Variants in CACNA1B observed in about 807,000 individuals in gnomAD.
CACNA1B encodes the protein calcium voltage-gated channel subunit alpha1 B, also known as voltage-dependent N-type calcium channel subunit alpha-1B.
A neutral mutation model predicts 247.2 loss-of-function variants in CACNA1B; 70 were observed. The ratio of observed to expected loss-of-function variants is 0.28; its 90% CI spans 0.23 to 0.35. CACNA1B has a LOEUF of 0.35. Among genes scored for constraint, CACNA1B ranks in the 10% least tolerant of loss-of-function variants. CACNA1B has a pLI of 1.00. For synonymous variants in CACNA1B, 1,231 were observed against 1,294.4 expected, an observed-to-expected ratio of 0.95 and a Z score of 1.05; for missense variants, 2,367 against 3,197.4, an observed-to-expected ratio of 0.74 and a Z score of 6.26.
chr9:138,037,047 CTT>C (rs747204168), intron 20 of CACNA1B, among the ~76,000 whole-genome samples: 8 of 152,288 alleles, frequency 5.3e-5, no homozygotes, highest in Non-Finnish European at 8.8e-5. Flanking sequence ...GTCTAAGTCT[CTT>C]TTACTTTAAA....
intron 10 of CACNA1B, among the ~76,000 whole-genome samples, chr9:137,960,246 T>G (rs1484206824): frequency 0.042 from 259 of 6,156 alleles, 1 homozygote; most frequent in Non-Finnish European, 0.052. Flanking sequence ...GAGAGGGGAG[T>G]TAGGCCTGAG....
At chr9:138,079,874 C>CAA (rs145080243) in intron 36 of CACNA1B, among the ~76,000 whole-genome samples, 69 of 115,926 alleles carry the variant, frequency 6.0e-4, no homozygotes, top group African/African-American at 9.6e-4. Flanking sequence ...GACTCTGTCT[C>CAA]AAAAAAAAAA....
Position 138,047,399 on chromosome 9 carries a change from G to A in CACNA1B, c.3544G>A (p.Ala1182Thr). The A allele has an allele frequency of 6.2e-7, 1 of 1,608,862 alleles. No individual in the cohort carries two copies. The highest frequency in any genetic ancestry group is 8.5e-7 in the Non-Finnish European group (1 of 1,175,222). ...AGAATAACCTTCCTTTTGGTTTCAG[G>A]CTCTGAAATACCTGGATTACATTTT... ...PVRTDSPRNN[A>T]LKYLDYIFTG... The change falls in exon 23 of 47, where the codon GCT (alanine) becomes ACT (threonine). Residue 1182 changes from alanine (A) to threonine (T), a missense_variant and splice_region_variant. Physicochemically the swap from Ala to Thr is moderately conservative, Grantham distance 58 (BLOSUM62 0). Coordinates refer to ENST00000371372, the MANE Select transcript of CACNA1B (RefSeq NM_000718.4).
At chr9:137,978,155 C>A (rs1958246717) in intron 12 of CACNA1B, among the ~76,000 whole-genome samples, 2 of 140,998 alleles carry the variant, frequency 1.4e-5, no homozygotes, top group South Asian at 4.8e-4. Context: ...GGGAGCACTA[C>A]TTCCCCCCCA....
At position 137,917,211 on chromosome 9, in the gene CACNA1B, T is replaced by C. The variant is rs758554344; in HGVS notation, c.776-30T>C. 8.8e-6 allele frequency: 14 copies of C among 1,591,858 alleles called. No individual in the cohort carries two copies. The East Asian group carries it at 2.5e-4, about 28-fold the overall frequency. ...ATTGGAGAGCTTGGTATTTCTGAGC[T>C]CAGGGTCTGCTTCATTCTCCTTCTT... On this transcript the variant is annotated intron_variant, in intron 5 of 46. Coordinates refer to ENST00000371372, the MANE Select transcript of CACNA1B (RefSeq NM_000718.4). The surrounding 1 kb of genome is among the most constrained non-coding windows in gnomAD (Gnocchi z 5.5).
chr9:138,091,345 A>G (rs926200854), intron 36 of CACNA1B, among the ~76,000 whole-genome samples: 4 of 152,212 alleles, frequency 2.6e-5, no homozygotes, highest in African/African-American at 9.7e-5. Context: ...AATTGCTCTC[A>G]TAGAAGTGGA....
rs190177683 is a variant in CACNA1B at position 137,933,176 on chromosome 9, G to A, written c.966+15745G>A. Among the ~76,000 whole-genome samples the A allele has an allele frequency of 4.6e-5, 7 of 152,172 alleles. No individual in the cohort carries two copies. In the East Asian group the frequency reaches 1.4e-3, roughly 29 times the overall value. On this transcript the variant is annotated intron_variant, in intron 6 of 46. Coordinates refer to ENST00000371372, the MANE Select transcript of CACNA1B (RefSeq NM_000718.4). Reference sequence around the variant, plus strand: ...CTCAAATCTTCTGACCTCATGATCTGCCTGCCTCGGCCTCCCAGAGTGCTG... The same window carrying A: ...CTCAAATCTTCTGACCTCATGATCTACCTGCCTCGGCCTCCCAGAGTGCTG...
chr9:138,117,291 G>GA (rs1002122653), intron 42 of CACNA1B, among the ~76,000 whole-genome samples: 2 of 152,092 alleles, frequency 1.3e-5, no homozygotes, highest in African/African-American at 4.8e-5. Flanking sequence ...GCTTGGGGGG[G>GA]GGGTCAGAGA....
At chr9:138,034,692 C>T (rs1383307541) in intron 20 of CACNA1B, among the ~76,000 whole-genome samples, 1 of 151,982 alleles carries the variant, frequency 6.6e-6, no homozygotes, top group African/African-American at 2.4e-5. Flanking sequence ...ATTGTTGTGT[C>T]ATTCCTCAGG....
At position 138,106,758 on chromosome 9, in the gene CACNA1B, G is replaced by A. The variant is rs145622622; in HGVS notation, c.5428+951G>A. ...CAGCCTGGTGACAGAGCAAGACTCCGTCTCGAAAACAACCAAAAAAGTTAT... is the reference window on the plus strand; with the variant it reads ...CAGCCTGGTGACAGAGCAAGACTCCATCTCGAAAACAACCAAAAAAGTTAT... On this transcript the variant is annotated intron_variant, in intron 39 of 46. Coordinates refer to ENST00000371372, the MANE Select transcript of CACNA1B (RefSeq NM_000718.4). 2.8e-4 allele frequency among the ~76,000 whole-genome samples: 43 copies of A among 152,252 alleles called. No homozygotes were observed. The East Asian group carries it at 2.9e-3, about 10-fold the overall frequency.
intron 10 of CACNA1B, among the ~76,000 whole-genome samples, chr9:137,960,380 TG>T (rs1958003076): frequency 1.7e-5 from 1 of 60,108 alleles, no homozygotes; most frequent in African/African-American, 6.7e-5. Flanking sequence ...CGGTGGGGTG[TG>T]GGGGAGGTTG....
chr9:138,022,954 T>C, intron 18 of CACNA1B, 57 bp from the exon 19 acceptor site: 2 of 1,446,410 alleles, frequency 1.4e-6, no homozygotes, highest in Non-Finnish European at 1.8e-6. Context: ...GTGGCCTCCC[T>C]GGAGAGCGGC....
intron 31 of CACNA1B, among the ~76,000 whole-genome samples, chr9:138,061,285 G>A (rs1194931789): frequency 6.6e-6 from 1 of 152,204 alleles, no homozygotes; most frequent in African/African-American, 2.4e-5. Flanking sequence ...TTGGTGTTGT[G>A]TGGTAGAAGC....
intron 6 of CACNA1B, among the ~76,000 whole-genome samples, chr9:137,942,028 G>A (rs1347504599): frequency 2.0e-5 from 3 of 152,168 alleles, no homozygotes; most frequent in East Asian, 1.9e-4. Flanking sequence ...AGAAACAGTC[G>A]GCAGAGTAAA....
At chr9:138,021,866 A>G (rs1343967304) in intron 18 of CACNA1B, among the ~76,000 whole-genome samples, 5 of 152,218 alleles carry the variant, frequency 3.3e-5, no homozygotes, top group Admixed American at 1.3e-4. Context: ...TTGTTGGTGT[A>G]GTCACTGCTG....
intron 36 of CACNA1B, among the ~76,000 whole-genome samples, chr9:138,085,779 A>G (rs1270482346): frequency 1.3e-5 from 2 of 151,342 alleles, no homozygotes; most frequent in Non-Finnish European, 2.9e-5. Context: ...CTGTCAGTCA[A>G]GAATACTATA....
chr9:138,014,562 T>C lies in CACNA1B; in HGVS notation c.2267+1327T>C, dbSNP rs1958766685. On this transcript the variant is annotated intron_variant, in intron 18 of 46. Transcript: ENST00000371372. The surrounding 1 kb of genome is among the most constrained non-coding windows in gnomAD (Gnocchi z 6.2). ...TGTCTTGGCCAATTCGGTTATTTGG[T>C]TCATTAGTTATTTAGTCCACTTAGT... 2.0e-5 allele frequency among the ~76,000 whole-genome samples: 3 copies of C among 152,084 alleles called. No individual in the cohort carries two copies. The highest frequency in any genetic ancestry group is 4.4e-5 in the Non-Finnish European group (3 of 67,998).
intron 10 of CACNA1B, among the ~76,000 whole-genome samples, chr9:137,961,432 C>T (rs2133352377): frequency 6.6e-6 from 1 of 152,290 alleles, no homozygotes; most frequent in East Asian, 1.9e-4. Flanking sequence ...TGAGAGACAT[C>T]TTGTCTTGTG....
chr9:138,074,416 T>A (rs1403221735), intron 34 of CACNA1B, among the ~76,000 whole-genome samples: 1 of 152,156 alleles, frequency 6.6e-6, no homozygotes, highest in Non-Finnish European at 1.5e-5. Flanking sequence ...AATTTTTGTA[T>A]TTTTAGTAGA....
Sources: gnomAD v4.1 joint callset for allele counts (sites outside exome capture counted in the v4.1 genomes callset) on GRCh38, gnomAD v4.1.1 for gene constraint, Gnocchi (gnomAD v3.1) non-coding constraint, MANE v1.5 for transcripts, NCBI Gene and HGNC (gene_info 2026-07-23, HGNC 2026-07-21) for gene names.